TANK: variants seen among roughly 807,000 people sequenced by gnomAD.
The protein encoded by TANK is TRAF family member associated NFKB activator, also known as TRAF family member-associated NF-kappa-B activator.
TANK carries 15 observed loss-of-function variants against 43.6 expected under a neutral mutation model. The ratio of observed to expected loss-of-function variants is 0.34; its 90% CI spans 0.23 to 0.53. The LOEUF (loss-of-function observed/expected upper bound fraction) is 0.53, where lower values mean the gene tolerates loss of function less well. Ranked by LOEUF, TANK falls within the 20% of genes least tolerant of loss-of-function variation. The pLI is 0.94. For missense variants in TANK, 417 were observed against 498.6 expected (o/e 0.84, Z 1.56); for synonymous variants, 162 against 178.2 (o/e 0.91, Z 0.73).
intron 2 of TANK, chr2:161,202,808 C>A: frequency 2.2e-6 from 1 of 444,654 alleles, no homozygotes. Context: ...ATGTTTGCAG[C>A]ATCTGTATTC....
intron 1 of TANK, among the ~76,000 whole-genome samples, chr2:161,175,226 A>G (rs1053845069): frequency 1.1e-4 from 16 of 152,182 alleles, no homozygotes; most frequent in Non-Finnish European, 1.8e-4. Flanking sequence ...TTGGCACTAA[A>G]TATTTTATCA....
intron 4 of TANK, among the ~76,000 whole-genome samples, chr2:161,217,585 TTGTGTGTGTGTGTGTGTGTGTGTG>T (rs375688309): frequency 7.3e-6 from 1 of 136,554 alleles, no homozygotes; most frequent in Non-Finnish European, 1.6e-5. Flanking sequence ...GGTAGTTGGT[TTGTGTGTGTGTGTGTGTGTGTGTG>T]TGTGTGTGTG....
intron 1 of TANK, among the ~76,000 whole-genome samples, chr2:161,141,794 T>A (rs1017886481): frequency 4.6e-5 from 7 of 152,204 alleles, no homozygotes; most frequent in Non-Finnish European, 8.8e-5. Flanking sequence ...GAAACATATG[T>A]GTGCATGTGT....
intron 2 of TANK, chr2:161,200,355 CT>C (rs1558991544): frequency 2.0e-6 from 2 of 984,308 alleles, no homozygotes. Flanking sequence ...TGTAAAAGGA[CT>C]TTTCTGGTTT....
At chr2:161,160,335 C>T (rs950217492), upstream of TANK, 8 of 923,314 alleles carry the variant, frequency 8.7e-6, no homozygotes, top group Non-Finnish European at 1.1e-5. Context: ...GCGGAAGGGC[C>T]CTGGCCTTGT....
chr2:161,190,919 T>C (rs1685886347), intron 2 of TANK, among the ~76,000 whole-genome samples: 1 of 152,170 alleles, frequency 6.6e-6, no homozygotes, highest in Non-Finnish European at 1.5e-5. Context: ...TTATTTGATA[T>C]ATATTTTACC....
chr2:161,207,674 T>C, intron 4 of TANK: 1 of 985,432 alleles, frequency 1.0e-6, no homozygotes, highest in Non-Finnish European at 1.2e-6. Flanking sequence ...ATATGTTCCA[T>C]TGGCCTATGT....
chr2:161,172,355 C>CTTT (rs72017971), intron 1 of TANK, among the ~76,000 whole-genome samples: 3 of 89,264 alleles, frequency 3.4e-5, no homozygotes, highest in African/African-American at 4.9e-5. Context: ...TTTTTTTCGG[C>CTTT]TTTTTTTTTT....
Position 161,224,693 on chromosome 2 carries a change from CA to C in TANK, c.471del (p.Ala158HisfsTer6). 1.3e-6 allele frequency: 2 copies of C among 1,591,044 alleles called. No homozygotes were observed. Among genetic ancestry groups the C allele is most frequent in the Middle Eastern group, 1.7e-4 (1 of 5,990 alleles). ...GAATTTCATAAAATATGCATGCTAG[CA>C]AAAGCACAGAAAGACCACTTAAGCA... ...KEEFHKICML[A>X]KAQKDHLSKL... On this transcript the variant is annotated frameshift_variant, in exon 6 of 8. Transcript: ENST00000392749. LOFTEE classifies it high-confidence loss of function.
chr2:161,192,522 T>A (rs1685961937), intron 2 of TANK, among the ~76,000 whole-genome samples: 1 of 152,224 alleles, frequency 6.6e-6, no homozygotes, highest in Non-Finnish European at 1.5e-5. Context: ...CTTGCCACCA[T>A]GCTGTTAAAT....
At chr2:161,160,285 C>A, upstream of TANK, 1 of 324,744 alleles carries the variant, frequency 3.1e-6, no homozygotes, top group Non-Finnish European at 4.3e-6. Context: ...GCGGGGCGGG[C>A]AGGGGCGGGG....
intron 4 of TANK, among the ~76,000 whole-genome samples, chr2:161,206,337 AG>A (rs2105349950): frequency 6.6e-6 from 1 of 152,286 alleles, no homozygotes; most frequent in East Asian, 1.9e-4. Context: ...ACGAACTCCT[AG>A]CAAATAAGGT....
intron 1 of TANK, 39 bp downstream of exon 1, chr2:161,160,525 G>A: frequency 3.1e-6 from 4 of 1,289,050 alleles, no homozygotes; most frequent in Non-Finnish European, 4.0e-6. Flanking sequence ...GTCCGAATCC[G>A]TCAAGCACGA....
chr2:161,167,824 C>T (rs1034441842), intron 1 of TANK, among the ~76,000 whole-genome samples: 3 of 151,968 alleles, frequency 2.0e-5, no homozygotes, highest in African/African-American at 7.3e-5. Context: ...CAGGGTTTCA[C>T]CGTGTTAGCC....
chr2:161,180,085 A>G, intron 2 of TANK: 1 of 1,021,330 alleles, frequency 9.8e-7, no homozygotes, highest in Non-Finnish European at 1.2e-6. Context: ...TTTATGACAC[A>G]GAAGTATCAC....
At chr2:161,180,891 C>G (rs1329969647) in intron 2 of TANK, among the ~76,000 whole-genome samples, 2 of 149,434 alleles carry the variant, frequency 1.3e-5, no homozygotes, top group East Asian at 3.9e-4. Context: ...ATTTTAGTTT[C>G]AGAGTTCAGG....
intron 3 of TANK, 113 bp from the exon 4 acceptor site, chr2:161,204,562 T>A: frequency 1.0e-6 from 1 of 966,566 alleles, no homozygotes; most frequent in Non-Finnish European, 1.5e-6. Context: ...CTAAAACTCC[T>A]ACCTTAAAAT....
intron 4 of TANK, chr2:161,211,659 GTGTT>G (rs1470068540): frequency 2.3e-6 from 1 of 428,474 alleles, no homozygotes; most frequent in African/African-American, 2.2e-5. Flanking sequence ...GTAATTGCAT[GTGTT>G]TGTTACTCAA....
chr2:161,203,726 ATG>A, intron 3 of TANK, 131 bp downstream of exon 3: 1 of 591,500 alleles, frequency 1.7e-6, no homozygotes, highest in Non-Finnish European at 3.0e-6. Flanking sequence ...GTACAGTTAT[ATG>A]TTATGTTTAT....
Sources: gnomAD v4.1 joint callset for allele counts (sites outside exome capture counted in the v4.1 genomes callset) on GRCh38, gnomAD v4.1.1 for gene constraint, MANE v1.5 for transcripts, NCBI Gene and HGNC (gene_info 2026-07-23, HGNC 2026-07-21) for gene names.